The following KIAA1328 variants were observed in gnomAD, a reference collection of about 807,000 sequenced individuals.
KIAA1328 encodes KIAA1328, also known as protein hinderin.
Under a neutral mutation model 68.1 loss-of-function variants are expected in KIAA1328, and 52 were observed. The observed-to-expected ratio is 0.76, with a 90% CI of 0.61 to 0.96. The LOEUF is 0.96. Among genes scored for constraint, KIAA1328 ranks in the 40% least tolerant of loss-of-function variants. The pLI is 0.00. For synonymous variants in KIAA1328, 232 were observed against 239.4 expected (o/e 0.97, Z 0.28); for missense variants, 641 against 677.6 (o/e 0.95, Z 0.60).
intron 9 of KIAA1328, among the ~76,000 whole-genome samples, chr18:37,196,658 AT>A (rs1221352216): frequency 1.3e-5 from 2 of 151,958 alleles, no homozygotes; most frequent in African/African-American, 4.8e-5. Flanking sequence ...GGTGAATGAT[AT>A]TTTTAATGAA....
At chr18:36,972,993 G>A (rs546125585) in intron 6 of KIAA1328, among the ~76,000 whole-genome samples, 2 of 152,300 alleles carry the variant, frequency 1.3e-5, no homozygotes, top group South Asian at 2.1e-4. Flanking sequence ...AGATGCTGCC[G>A]TGGTAGCTGA....
At chr18:37,200,945 G>A (rs576427031) in intron 9 of KIAA1328, among the ~76,000 whole-genome samples, 1 of 151,062 alleles carries the variant, frequency 6.6e-6, no homozygotes, top group South Asian at 2.1e-4. Flanking sequence ...AGCATTGATT[G>A]TCAAAATATT....
At chr18:36,865,943 T>C (rs1467156006) in intron 4 of KIAA1328, among the ~76,000 whole-genome samples, 2 of 152,300 alleles carry the variant, frequency 1.3e-5, no homozygotes, top group East Asian at 3.9e-4. Context: ...CCTCAGGCTT[T>C]GTCATTCCAC....
intron 7 of KIAA1328, among the ~76,000 whole-genome samples, chr18:37,093,211 A>G (rs1242556869): frequency 3.3e-5 from 5 of 152,256 alleles, no homozygotes. Flanking sequence ...GGATGCACAG[A>G]TATCAATATA....
At chr18:36,988,500 A>C (rs1160899665) in intron 6 of KIAA1328, among the ~76,000 whole-genome samples, 6 of 152,232 alleles carry the variant, frequency 3.9e-5, no homozygotes, top group African/African-American at 1.4e-4. Flanking sequence ...AGTTATTTAC[A>C]AACCATTTTG....
At chr18:36,921,413 T>C (rs1334310139) in intron 5 of KIAA1328, among the ~76,000 whole-genome samples, 1 of 152,204 alleles carries the variant, frequency 6.6e-6, no homozygotes, top group Non-Finnish European at 1.5e-5. Context: ...TATTTGTTTG[T>C]TTGTTTTTGA....
intron 9 of KIAA1328, among the ~76,000 whole-genome samples, chr18:37,179,854 C>A (rs1568502151): frequency 6.6e-6 from 1 of 152,014 alleles, no homozygotes. Context: ...GGATGTTACT[C>A]TTGATTCTCT....
At chr18:37,210,419 C>G (rs151109985) in intron 9 of KIAA1328, among the ~76,000 whole-genome samples, 9 of 152,314 alleles carry the variant, frequency 5.9e-5, no homozygotes, top group Non-Finnish European at 1.2e-4. Context: ...CTTAATGAGG[C>G]TATTACATTC....
chr18:36,919,887 A>G, intron 5 of KIAA1328, among the ~76,000 whole-genome samples: 1 of 152,048 alleles, frequency 6.6e-6, no homozygotes, highest in East Asian at 1.9e-4. Context: ...GTGTCTGTTC[A>G]TGTCCTTTGC....
intron 5 of KIAA1328, among the ~76,000 whole-genome samples, chr18:36,920,289 C>T (rs1311483421): frequency 6.6e-6 from 1 of 152,124 alleles, no homozygotes; most frequent in Non-Finnish European, 1.5e-5. Context: ...TATCCCAACA[C>T]CATTTATTGA....
At chr18:37,119,765 C>A (rs1216984695) in intron 7 of KIAA1328, among the ~76,000 whole-genome samples, 1 of 152,078 alleles carries the variant, frequency 6.6e-6, no homozygotes, top group East Asian at 1.9e-4. Flanking sequence ...TCATTTACAA[C>A]AATAAGTATA....
At chr18:36,949,883 A>G (rs553317198) in intron 5 of KIAA1328, among the ~76,000 whole-genome samples, 5 of 152,222 alleles carry the variant, frequency 3.3e-5, no homozygotes, top group Admixed American at 6.5e-5. Flanking sequence ...GAAAAATAAC[A>G]TGTTCATACA....
chr18:37,091,219 G>C (rs2057257923), intron 7 of KIAA1328, among the ~76,000 whole-genome samples: 1 of 152,122 alleles, frequency 6.6e-6, no homozygotes. Context: ...AAATAACTAA[G>C]TGTCAAATAG....
At chr18:37,093,107 A>G (rs1451305574) in intron 7 of KIAA1328, among the ~76,000 whole-genome samples, 5 of 152,220 alleles carry the variant, frequency 3.3e-5, no homozygotes, top group Admixed American at 6.5e-5. Flanking sequence ...AAGCCAAAGC[A>G]CCCTACTCAG....
chr18:37,134,811 A>G (rs1181698511), intron 7 of KIAA1328, among the ~76,000 whole-genome samples: 1 of 152,168 alleles, frequency 6.6e-6, no homozygotes, highest in Non-Finnish European at 1.5e-5. Context: ...TCACCCAGGT[A>G]CTGAGAATAG....
At position 37,194,622 on chromosome 18, in the gene KIAA1328, T is replaced by C. The variant is rs183833068; in HGVS notation, c.1523+21541T>C. On this transcript the variant is annotated intron_variant, in intron 9 of 9. Transcript: ENST00000280020. ...TTATCTTTAATTATTTCACTCTGCA[T>C]CTATTCCTATAATAGTTTGTTATGG... Among the ~76,000 whole-genome samples, 412 of 152,320 alleles carry C rather than the reference T, an allele frequency of 2.7e-3. 1 individual carries two copies. The highest frequency in any genetic ancestry group is 9.6e-3 in the African/African-American group (397 of 41,566).
rs1438563171 is a variant in KIAA1328 at position 37,043,130 on chromosome 18, T to A, written c.577-23760T>A. Among the ~76,000 whole-genome samples the A allele has an allele frequency of 4.6e-5, 7 of 152,330 alleles. No individual in the cohort carries two copies. The East Asian group carries it at 1.2e-3, about 25-fold the overall frequency. ...TCTCTTTATTGAGATTGTCTATTTG[T>A]TGCCATTGTTGTACTTACCTTTAAT... is the stretch of plus-strand genomic sequence containing the variant. On this transcript the variant is annotated intron_variant, in intron 6 of 9. Transcript: ENST00000280020.
intron 4 of KIAA1328, among the ~76,000 whole-genome samples, chr18:36,860,578 G>A (rs749363285): frequency 1.6e-4 from 25 of 152,026 alleles, no homozygotes; most frequent in Non-Finnish European, 2.9e-4. Context: ...GTGCAAGAAC[G>A]TTAGAACACA....
rs1287005812 is a variant in KIAA1328, at chr18:37,117,038, T to C, written c.1233-43162T>C. Among the ~76,000 whole-genome samples, 5 of 152,204 alleles carry C rather than the reference T, an allele frequency of 3.3e-5. No homozygotes were observed. In the East Asian group the frequency reaches 9.7e-4, roughly 29 times the overall value. On this transcript the variant is annotated intron_variant, in intron 7 of 9. Transcript: ENST00000280020. ...AGGTGCTGGAGAGGATATGGAGAAATAGGAACACTTTTACACTGCTGGTGG... is the reference window on the plus strand; with the variant it reads ...AGGTGCTGGAGAGGATATGGAGAAACAGGAACACTTTTACACTGCTGGTGG...
Sources: allele counts gnomAD v4.1 joint callset (sites outside exome capture counted in the v4.1 genomes callset), GRCh38; gene constraint gnomAD v4.1.1; transcripts MANE v1.5; gene names NCBI Gene and HGNC (gene_info 2026-07-23, HGNC 2026-07-21).